CPD: variants seen among roughly 807,000 people sequenced by gnomAD.
CPD encodes carboxypeptidase D.
Under a neutral mutation model 138.3 loss-of-function variants are expected in CPD, and 69 were observed. The observed-to-expected ratio is 0.50, with a 90% CI of 0.41 to 0.61. CPD has a LOEUF of 0.61. Ranked by LOEUF, CPD falls within the 20% of genes least tolerant of loss-of-function variation. The pLI is 0.00. For synonymous variants in CPD, 651 were observed against 642.1 expected (o/e 1.01, Z -0.21); for missense variants, 1,432 against 1,733.3 (o/e 0.83, Z 3.09).
At chr17:30,432,635 G>A (rs1879311475) in intron 8 of CPD, among the ~76,000 whole-genome samples, 1 of 152,084 alleles carries the variant, frequency 6.6e-6, no homozygotes, top group African/African-American at 2.4e-5. Context: ...GACCAGGCTT[G>A]GTGGCTCATG....
chr17:30,389,096 C>G (rs1042929812), intron 2 of CPD, among the ~76,000 whole-genome samples: 3 of 152,220 alleles, frequency 2.0e-5, no homozygotes, highest in Admixed American at 6.5e-5. Context: ...CATTACTCCC[C>G]CGCTGTGCTG....
intron 2 of CPD, among the ~76,000 whole-genome samples, chr17:30,401,381 CTCCTCT>C (rs1267013818): frequency 6.7e-6 from 1 of 148,258 alleles, no homozygotes; most frequent in East Asian, 2.0e-4. Context: ...CCTCTTCTTC[CTCCTCT>C]TCCTCTTCTT....
chr17:30,423,396 C>A, intron 5 of CPD, 110 bp from the exon 6 acceptor site: 1 of 736,338 alleles, frequency 1.4e-6, no homozygotes, highest in Non-Finnish European at 2.0e-6. Flanking sequence ...TGCCAAAATA[C>A]ATGTTTAAAA....
At position 30,466,921 on chromosome 17, in the gene CPD, C is replaced by G. The variant is rs1284837138; in HGVS notation, c.*2107C>G. 2 of 152,316 alleles carry G rather than the reference C, an allele frequency of 1.3e-5. No individual in the cohort carries two copies. The highest frequency in any genetic ancestry group is 4.1e-4 in the South Asian group (2 of 4,820). The allele number at this position is 152,316 out of a possible 1,614,324, so 9.4% of individuals were successfully genotyped here. ...TTAGTAATATTTCCTGAAAGAAAAA[C>G]CAAATTCTGCTATAAGTCTTGATCT... On this transcript the variant is annotated 3_prime_UTR_variant, in exon 21 of 21. Transcript: ENST00000225719.
intron 20 of CPD, among the ~76,000 whole-genome samples, chr17:30,463,338 G>A (rs547336742): frequency 1.1e-4 from 17 of 152,212 alleles, no homozygotes; most frequent in African/African-American, 3.1e-4. Context: ...TAAAACATAA[G>A]TTCTGAGAGA....
chr17:30,423,015 A>G lies in CPD; in HGVS notation c.1649A>G (p.His550Arg), dbSNP rs1912308910. The change falls in exon 5 of 21, where the codon CAT (histidine) becomes CGT (arginine). Residue 550 changes from histidine (H) to arginine (R), a missense_variant. By Grantham distance (29) the His-to-Arg change is conservative. Transcript: ENST00000225719. ...GAGATATCTGATAATCCGGGTGTCC[A>G]TGAACCAGGTAATTGGTATGGTCTT... ...VMEISDNPGV[H>R]EPGEPEFKYI... The G allele has an allele frequency of 6.2e-7, 1 of 1,607,678 alleles. No homozygotes were observed. The highest frequency in any genetic ancestry group is 1.7e-5 in the Admixed American group (1 of 59,760).
At chr17:30,421,079 T>A in intron 3 of CPD, 96 bp downstream of exon 3, 1 of 905,258 alleles carries the variant, frequency 1.1e-6, no homozygotes, top group Non-Finnish European at 1.6e-6. Context: ...CAGTATTAGA[T>A]GTCATTTATC....
At chr17:30,451,676 A>G in intron 13 of CPD, 35 bp from the exon 14 acceptor site, 1 of 1,601,550 alleles carries the variant, frequency 6.2e-7, no homozygotes, top group Non-Finnish European at 8.5e-7. Flanking sequence ...TTCTACATGC[A>G]GCTAGTAACT....
intron 2 of CPD, among the ~76,000 whole-genome samples, chr17:30,419,624 GGCCATT>G (rs200254577): frequency 0.013 from 1,917 of 152,260 alleles, 40 homozygotes; most frequent in African/African-American, 0.043. Flanking sequence ...TACAGGCATG[GGCCATT>G]GCACCCAGCC....
Position 30,449,673 on chromosome 17 carries a change from AG to A in CPD, c.2995del (p.Val999LeufsTer15). The A allele has an allele frequency of 1.2e-6, 2 of 1,607,652 alleles. No homozygotes were observed. Among genetic ancestry groups the A allele is most frequent in the Non-Finnish European group, 1.7e-6 (2 of 1,178,550 alleles). On this transcript the variant is annotated frameshift_variant, in exon 13 of 21. Coordinates refer to ENST00000225719, the MANE Select transcript of CPD (RefSeq NM_001304.5). LOFTEE classifies it high-confidence loss of function. ...FVAGIHGNAP[V>X]GTELLLALAE... ...TTGCTGGTATCCATGGAAATGCGCC[AG>A]TTGGAACTGAACTGCTTTTGGCTCT...
Position 30,443,908 on chromosome 17 carries a change from A to G in CPD, c.2480A>G (p.Lys827Arg). 2.5e-6 allele frequency: 4 copies of G among 1,613,984 alleles called. No homozygotes were observed. The highest frequency in any genetic ancestry group is 3.4e-6 in the Non-Finnish European group (4 of 1,179,908). Residue 827 changes from lysine to arginine, a missense_variant, in exon 11 of 21, where the codon AAA becomes AGA. Physicochemically the swap from Lys to Arg is conservative, Grantham distance 26. Around this residue, in one of 6 missense-constraint regions of CPD, gnomAD observed 297 missense variants for 405.3 expected, o/e 0.73. Coordinates refer to ENST00000225719, the MANE Select transcript of CPD (RefSeq NM_001304.5). ...ATTAATCACCCAGTGACTACTTACA[A>G]AACTGGAGATTACTGGCGTCTCTTG... is the stretch of plus-strand genomic sequence containing the variant. ...AEINHPVTTY[K>R]TGDYWRLLVP...
chr17:30,455,668 A>G (rs1913274160), intron 15 of CPD, 198 bp downstream of exon 15: 2 of 521,096 alleles, frequency 3.8e-6, no homozygotes, highest in Non-Finnish European at 6.6e-6. Context: ...GCCCAGCTTT[A>G]TTGAGTCTAG....
rs1912253993 is a variant in CPD, at chr17:30,421,062, A to G, written c.1137+79A>G. The G allele has an allele frequency of 4.1e-6, 5 of 1,214,350 alleles. No individual in the cohort carries two copies. The South Asian group carries it at 6.7e-5, about 16-fold the overall frequency. 75.2% of individuals were successfully genotyped at this position (1,214,350 alleles called of 1,614,324 possible). On this transcript the variant is annotated intron_variant, in intron 3 of 20. Coordinates refer to ENST00000225719, the MANE Select transcript of CPD (RefSeq NM_001304.5). ...GAAATTTGGATGCATGTGAATGATAATCTATACAGTATTAGATGTCATTTA... is the reference window on the plus strand; with the variant it reads ...GAAATTTGGATGCATGTGAATGATAGTCTATACAGTATTAGATGTCATTTA...
intron 2 of CPD, among the ~76,000 whole-genome samples, chr17:30,419,639 C>A (rs1020429645): frequency 3.3e-5 from 5 of 152,076 alleles, no homozygotes. Context: ...TTGCACCCAG[C>A]CTAAATCAGC....
At chr17:30,455,285 C>A in intron 14 of CPD, 54 bp from the exon 15 acceptor site, 1 of 1,399,362 alleles carries the variant, frequency 7.1e-7, no homozygotes, top group Non-Finnish European at 9.8e-7. Flanking sequence ...TTCTTAGATA[C>A]TCATACTAAG....
rs913850418 is a variant in CPD, at chr17:30,423,205, T to A, written c.1657+182T>A. Among the ~76,000 whole-genome samples the A allele has an allele frequency of 2.0e-5, 3 of 152,156 alleles. No individual in the cohort carries two copies. The South Asian group carries it at 6.2e-4, about 31-fold the overall frequency. The stretch of plus-strand genomic sequence containing the variant: ...AATCTTTTCCCAGAAGAGAAGGAAA[T>A]CCTTTTGCTAACCCATATTAGGCAT... On this transcript the variant is annotated intron_variant, in intron 5 of 20. Coordinates refer to ENST00000225719, the MANE Select transcript of CPD (RefSeq NM_001304.5).
intron 2 of CPD, among the ~76,000 whole-genome samples, chr17:30,400,590 A>T (rs927600341): frequency 6.6e-6 from 1 of 150,672 alleles, no homozygotes; most frequent in Non-Finnish European, 1.5e-5. Context: ...TTTTAAAGCA[A>T]GTATGCTTAT....
chr17:30,406,029 C>T (rs1911793216), intron 2 of CPD, among the ~76,000 whole-genome samples: 1 of 151,892 alleles, frequency 6.6e-6, no homozygotes, highest in African/African-American at 2.4e-5. Context: ...GATTTCGTTG[C>T]TGGAAACTTT....
At chr17:30,407,110 T>C (rs190044815) in intron 2 of CPD, among the ~76,000 whole-genome samples, 204 of 152,320 alleles carry the variant, frequency 1.3e-3, no homozygotes, top group African/African-American at 4.5e-3. Flanking sequence ...TGTGGTAGTT[T>C]CCAGCTTCAT....
Sources: gnomAD v4.1 joint callset for allele counts (sites outside exome capture counted in the v4.1 genomes callset) on GRCh38, gnomAD v4.1.1 for gene constraint, gnomAD v4.1.1 regional missense constraint, MANE v1.5 for transcripts, NCBI Gene and HGNC (gene_info 2026-07-23, HGNC 2026-07-21) for gene names.